The following MTA2 variants were observed in gnomAD, a reference collection of about 807,000 sequenced individuals.
MTA2 encodes metastasis associated 1 family member 2, also known as metastasis-associated protein MTA2.
MTA2 carries 22 observed loss-of-function variants against 87.1 expected under a neutral mutation model. That is an observed-to-expected ratio of 0.25 (90% CI 0.18 to 0.36). The LOEUF is 0.36. Among genes scored for constraint, MTA2 ranks in the 10% least tolerant of loss-of-function variants. MTA2 has a pLI of 1.00. For synonymous variants in MTA2, 314 were observed against 310.1 expected (o/e 1.01, Z -0.13); for missense variants, 542 against 853.2 (o/e 0.64, Z 4.54).
intron 8 of MTA2, 89 bp downstream of exon 8, chr11:62,597,227 C>G (rs1016948190): frequency 1.2e-6 from 1 of 861,674 alleles, no homozygotes; most frequent in Admixed American, 2.9e-5. Context: ...CACTCCCACT[C>G]CCTCAGAGAT....
At chr11:62,600,508 T>C in intron 2 of MTA2, 114 bp downstream of exon 2, 3 of 1,017,964 alleles carry the variant, frequency 2.9e-6, no homozygotes, top group Non-Finnish European at 4.3e-6. Flanking sequence ...ATCCAATGAA[T>C]GAATGAACGA....
intron 1 of MTA2, 88 bp downstream of exon 1, chr11:62,601,335 C>T (rs929769644): frequency 2.7e-6 from 4 of 1,505,746 alleles, no homozygotes; most frequent in African/African-American, 2.8e-5. Context: ...CCATACGCTG[C>T]GCCTCGCGCC....
At position 62,601,513 on chromosome 11, in the gene MTA2, T is replaced by C; in HGVS notation, c.-63A>G. 1.9e-6 allele frequency: 3 copies of C among 1,566,022 alleles called. No homozygotes were observed. Among genetic ancestry groups the C allele is most frequent in the South Asian group, 1.2e-5 (1 of 85,420 alleles). On this transcript the variant is annotated 5_prime_UTR_variant, in exon 1 of 18. Transcript: ENST00000278823. ...TCCGGGAGGCTCGCGGGGGCAGGGC[T>C]CGGCTCGAGGCAAAGCCCCGAACGG...
Position 62,601,149 on chromosome 11 carries a change from G to C in MTA2, c.28+274C>G, listed in dbSNP as rs1427251229. 4 of 515,620 alleles carry C rather than the reference G, an allele frequency of 7.8e-6. No homozygotes were observed. The East Asian group carries it at 1.1e-4, about 14-fold the overall frequency. The allele number at this position is 515,620 out of a possible 1,614,324, so 31.9% of individuals were successfully genotyped here. The stretch of plus-strand genomic sequence containing the variant: ...CTACCCTGTCAGCTCCTTCGGAACC[G>C]GTTCCGAAGGCCACTCCGTGCCCCG... On this transcript the variant is annotated intron_variant, in intron 1 of 17. Coordinates refer to ENST00000278823, the MANE Select transcript of MTA2 (RefSeq NM_004739.4).
chr11:62,593,814 G>T lies in MTA2; in HGVS notation c.*61C>A. ...CCCTTCGACACGAAAGGGAAGGGAG[G>T]TTTGGGTGCCCTGGGCATCCACCCT... On this transcript the variant is annotated 3_prime_UTR_variant, in exon 18 of 18. Transcript: ENST00000278823. The T allele has an allele frequency of 6.3e-7, 1 of 1,599,942 alleles. No homozygotes were observed. The highest frequency in any genetic ancestry group is 8.5e-7 in the Non-Finnish European group (1 of 1,169,820).
Position 62,595,931 on chromosome 11 carries a change from A to G in MTA2, c.1115-40T>C, listed in dbSNP as rs551826541. 6.2e-7 allele frequency: 1 copy of G among 1,613,980 alleles called. No individual in the cohort carries two copies. The highest frequency in any genetic ancestry group is 1.3e-5 in the African/African-American group (1 of 74,902). ...GAGGAGGGGGACAGGGAAGAAGCAT[A>G]CTACCTAAGCCCCTCAGATTCTTGA... On this transcript the variant is annotated intron_variant, in intron 12 of 17. Coordinates refer to ENST00000278823, the MANE Select transcript of MTA2 (RefSeq NM_004739.4). This position sits in a 1 kb window ranked among gnomAD's most constrained non-coding sequence, Gnocchi z 4.9.
At position 62,595,148 on chromosome 11, in the gene MTA2, T is replaced by TA. The variant is rs1377549980; in HGVS notation, c.1484-79dup. 1.3e-6 allele frequency: 2 copies of TA among 1,550,848 alleles called. No homozygotes were observed. Among genetic ancestry groups the TA allele is most frequent in the Non-Finnish European group, 1.8e-6 (2 of 1,132,194 alleles). On this transcript the variant is annotated intron_variant, in intron 14 of 17. Coordinates refer to ENST00000278823, the MANE Select transcript of MTA2 (RefSeq NM_004739.4). This position sits in a 1 kb window ranked among gnomAD's most constrained non-coding sequence, Gnocchi z 4.9. Reference sequence around the variant, plus strand: ...TAAGGCCAGAAGCCAACTCTAATCTTAAAAAAATTATCTGTGGCCTACTAT... The same window carrying TA: ...TAAGGCCAGAAGCCAACTCTAATCTTAAAAAAAATTATCTGTGGCCTACTAT...
intron 8 of MTA2, 37 bp from the exon 9 acceptor site, chr11:62,596,862 C>T: frequency 6.4e-7 from 1 of 1,564,770 alleles, no homozygotes; most frequent in African/African-American, 1.4e-5. Context: ...GGACCTGAAA[C>T]TTTTGGCACC....
chr11:62,598,749 C>T (rs1942133596), intron 3 of MTA2, 110 bp from the exon 4 acceptor site: 1 of 999,596 alleles, frequency 1.0e-6, no homozygotes, highest in Non-Finnish European at 1.5e-6. Context: ...TTTTTTCTCA[C>T]ATTTCCCAGG....
chr11:62,596,114 G>C lies in MTA2; in HGVS notation c.1017-7C>G. On this transcript the variant is annotated splice_polypyrimidine_tract_variant and splice_region_variant and intron_variant, in intron 11 of 17. Coordinates refer to ENST00000278823, the MANE Select transcript of MTA2 (RefSeq NM_004739.4). ...GTTAGGGTTTGGCTTAGTGCTAACG[G>C]GGAAGGCGAGGAGAAGGGAAAAAAA... 1 of 1,613,976 alleles carries C rather than the reference G, an allele frequency of 6.2e-7. No individual in the cohort carries two copies. Among genetic ancestry groups the C allele is most frequent in the Non-Finnish European group, 8.5e-7 (1 of 1,179,864 alleles).
chr11:62,594,736 C>A, intron 15 of MTA2, 102 bp from the exon 16 acceptor site: 2 of 1,102,834 alleles, frequency 1.8e-6, no homozygotes, highest in Non-Finnish European at 2.7e-6. Flanking sequence ...TGGGCATCCC[C>A]AAAAGTAGCA....
Position 62,598,318 on chromosome 11 carries a change from CTT to C in MTA2, c.372+7_372+8del, listed in dbSNP as rs776551957. On this transcript the variant is annotated splice_region_variant and intron_variant, in intron 5 of 17. Transcript: ENST00000278823. ...TCCCCTCGCTCTTCTCTCAACATCT[CTT>C]TCTCACCTCCTTTTCCAGGTACTGG... 3.1e-6 allele frequency: 5 copies of C among 1,613,800 alleles called. No homozygotes were observed. The highest frequency in any genetic ancestry group is 3.4e-6 in the Non-Finnish European group (4 of 1,179,824).
Position 62,593,890 on chromosome 11 carries a change from A to G in MTA2, c.1992T>C (p.Ile664=), listed in dbSNP as rs1942058474. The G allele has an allele frequency of 4.3e-6, 7 of 1,614,058 alleles. No homozygotes were observed. Among genetic ancestry groups the G allele is most frequent in the Non-Finnish European group, 5.9e-6 (7 of 1,180,028 alleles). The stretch of plus-strand genomic sequence containing the variant: ...CCACAGGTGCTCAGTCCTCCAGGAC[A>G]ATAGGCTCATTGGTGCTGGCAGGAT... ...PSHPASTNEP[I]VLED is the part of the protein sequence containing the mutation. The change falls in exon 18 of 18, where the codon ATT becomes ATC. Residue 664 remains isoleucine, a synonymous_variant. Transcript: ENST00000278823.
chr11:62,600,303 A>T (rs1294584943), intron 2 of MTA2, 44 bp from the exon 3 acceptor site: 2 of 1,534,928 alleles, frequency 1.3e-6, no homozygotes, highest in East Asian at 4.5e-5. Context: ...GTAGCAGTGG[A>T]AATTGATCAT....
In MTA2 at chr11:62,601,416, T is replaced by C; in HGVS notation, c.28+7A>G. The C allele has an allele frequency of 6.2e-7, 1 of 1,610,460 alleles. No individual in the cohort carries two copies. Among genetic ancestry groups the C allele is most frequent in the South Asian group, 1.1e-5 (1 of 90,780 alleles). On this transcript the variant is annotated splice_region_variant and intron_variant, in intron 1 of 17. Transcript: ENST00000278823. ...CCGGGCCCCGTATCCCTGCGCCCGG[T>C]ACTCACCTCCCACCCGGTACATGTT...
intron 17 of MTA2, 28 bp downstream of exon 17, chr11:62,594,231 T>C: frequency 6.2e-7 from 1 of 1,613,756 alleles, no homozygotes; most frequent in Non-Finnish European, 8.5e-7. Flanking sequence ...ACTGTCCCTC[T>C]CAGCCCCTCC....
chr11:62,600,918 G>A (rs1942179004), intron 1 of MTA2: 2 of 540,390 alleles, frequency 3.7e-6, no homozygotes, highest in Non-Finnish European at 6.6e-6. Context: ...AGAGCCTTAA[G>A]GAACAGGCAA....
In MTA2 at chr11:62,595,063, A is replaced by G; in HGVS notation, c.1491T>C (p.Ile497=). 3 of 1,614,136 alleles carry G rather than the reference A, an allele frequency of 1.9e-6. No homozygotes were observed. The highest frequency in any genetic ancestry group is 2.5e-6 in the Non-Finnish European group (3 of 1,180,016). The part of the protein sequence containing the change: ...NANAIKAECS[I]RLPKAAKTPL... ...GAGTCTTGGCGGCCTTAGGAAGTCG[A>G]ATGGAGCCTGGAGAACAAAGAAGAA... Residue 497 remains isoleucine, a synonymous_variant, in exon 15 of 18, where the codon ATT becomes ATC. Coordinates refer to ENST00000278823, the MANE Select transcript of MTA2 (RefSeq NM_004739.4). This position sits in a 1 kb window ranked among gnomAD's most constrained non-coding sequence, Gnocchi z 4.9.
chr11:62,594,589 G>T lies in MTA2; in HGVS notation c.1619C>A (p.Thr540Lys), dbSNP rs1217986110. ...GGACAGCTGGTTTCTGTTGATCGGT[G>T]TCTTGGTACCCCGAGGTGTTTTTGG... ...LKPKTPRGTK[T>K]PINRNQLSQN... is the part of the protein sequence containing the mutation. Residue 540 changes from threonine to lysine, a missense_variant, in exon 16 of 18, where the codon ACA becomes AAA. Transcript: ENST00000278823. The T allele has an allele frequency of 6.2e-7, 1 of 1,614,136 alleles. No homozygotes were observed. Among genetic ancestry groups the T allele is most frequent in the East Asian group, 2.2e-5 (1 of 44,882 alleles).
Sources: gnomAD v4.1 joint callset for allele counts on GRCh38, gnomAD v4.1.1 for gene constraint, Gnocchi (gnomAD v3.1) non-coding constraint, MANE v1.5 for transcripts, NCBI Gene and HGNC (gene_info 2026-07-23, HGNC 2026-07-21) for gene names.